Variants in RLF observed in about 807,000 individuals in gnomAD.
RLF encodes the protein RLF zinc finger, also known as zinc finger protein Rlf.
RLF carries 7 observed loss-of-function variants against 162.9 expected under a neutral mutation model. The ratio of observed to expected loss-of-function variants is 0.04; its 90% CI spans 0.02 to 0.08. The LOEUF is 0.08. RLF is among the 10% of genes least tolerant of loss of function. The pLI, the probability that RLF is intolerant of heterozygous loss-of-function variation, is 1.00. For missense variants in RLF, 1,664 were observed against 2,244.7 expected (o/e 0.74, Z 5.23); for synonymous variants, 782 against 791.5 (o/e 0.99, Z 0.20).
chr1:40,172,323 G>A (rs947374992), intron 1 of RLF, among the ~76,000 whole-genome samples: 18 of 152,034 alleles, frequency 1.2e-4, no homozygotes, highest in African/African-American at 1.9e-4. Flanking sequence ...TCATCCTTTT[G>A]CAATTTACTT....
intron 6 of RLF, among the ~76,000 whole-genome samples, chr1:40,229,448 C>CTTTTTTTTTTTTTTTT (rs1005418216): frequency 1.1e-5 from 1 of 90,978 alleles, no homozygotes; most frequent in Non-Finnish European, 2.1e-5. Context: ...ATTCATTTAT[C>CTTTTTTTTTTTTTTTT]TTTTTTTTTT....
intron 5 of RLF, among the ~76,000 whole-genome samples, chr1:40,215,316 A>G (rs180753292): frequency 5.6e-4 from 86 of 152,308 alleles, no homozygotes; most frequent in Middle Eastern, 3.4e-3. Context: ...ACTCCACCCA[A>G]CAGCAGCTAA....
chr1:40,179,771 C>T (rs1642382970), intron 1 of RLF, among the ~76,000 whole-genome samples: 1 of 152,136 alleles, frequency 6.6e-6, no homozygotes, highest in Admixed American at 6.6e-5. Flanking sequence ...TCTTCACCTT[C>T]TGGCAACCAT....
intron 4 of RLF, among the ~76,000 whole-genome samples, chr1:40,200,491 G>A (rs9438935): frequency 0.019 from 2,868 of 152,142 alleles, 108 homozygotes; most frequent in African/African-American, 0.059. Flanking sequence ...ATAAATTATA[G>A]CACATCCATA....
In RLF at chr1:40,233,302, A is replaced by G. The variant is rs140540245; in HGVS notation, c.1089+1644A>G. The stretch of plus-strand genomic sequence containing the variant: ...TTGGCATATCTGTTCAGAATATATA[A>G]TAGTATTTCTGGTTACTTTTCTTTG... On this transcript the variant is annotated intron_variant, in intron 7 of 7. Transcript: ENST00000372771. Among the ~76,000 whole-genome samples the G allele has an allele frequency of 6.4e-3, 970 of 152,212 alleles. 3 individuals are homozygous for G. Among genetic ancestry groups the G allele is most frequent in the Non-Finnish European group, 0.01 (710 of 68,000 alleles).
rs1029921979 is a variant in RLF, at chr1:40,206,570, A to G, written c.810+3956A>G. Among the ~76,000 whole-genome samples, 3 of 152,292 alleles carry G rather than the reference A, an allele frequency of 2.0e-5. No individual in the cohort carries two copies. The South Asian group carries it at 6.2e-4, about 32-fold the overall frequency. ...TGAAAATAGCCAGAATAATCTCTCT[A>G]AAACTTGTCGTGCCATGCCACTTCT... On this transcript the variant is annotated intron_variant, in intron 5 of 7. Transcript: ENST00000372771.
At chr1:40,231,121 A>G (rs1051344633) in intron 6 of RLF, among the ~76,000 whole-genome samples, 2 of 152,142 alleles carry the variant, frequency 1.3e-5, no homozygotes, top group African/African-American at 4.8e-5. Context: ...TTTGTTGTAT[A>G]TATATTTCGT....
At chr1:40,221,606 C>CAA (rs570762400) in intron 5 of RLF, among the ~76,000 whole-genome samples, 13 of 130,750 alleles carry the variant, frequency 9.9e-5, no homozygotes, top group East Asian at 4.6e-4. Flanking sequence ...TGCTCTGATG[C>CAA]AAAAAAAAAA....
intron 6 of RLF, among the ~76,000 whole-genome samples, chr1:40,225,836 G>A (rs536718326): frequency 2.8e-4 from 38 of 133,462 alleles, no homozygotes; most frequent in African/African-American, 1.1e-3. Context: ...GAGATCGGGC[G>A]CCATTGCACT....
intron 1 of RLF, among the ~76,000 whole-genome samples, chr1:40,168,704 A>C (rs965747393): frequency 1.3e-5 from 2 of 152,048 alleles, no homozygotes; most frequent in Non-Finnish European, 2.9e-5. Flanking sequence ...TATAAATAAT[A>C]TGTTTTGGCC....
In RLF at chr1:40,240,239, T is replaced by C. The variant is rs148681536; in HGVS notation, c.5537T>C (p.Leu1846Ser). Residue 1846 changes from leucine (L) to serine (S), a missense_variant, in exon 8 of 8, where the codon TTA (leucine) becomes TCA (serine). This residue lies in a region of RLF where 327 missense variants were observed against 342.7 expected (regional missense o/e 0.95). Transcript: ENST00000372771. ...IHENLTAIPP[L>S]IVAETTTVPS... is the part of the protein sequence containing the mutation. ...GAGAACCTGACTGCAATCCCACCTT[T>C]AATAGTAGCTGAAACAACAACAGTT... The C allele has an allele frequency of 4.8e-5, 78 of 1,614,076 alleles. No homozygotes were observed. The highest frequency in any genetic ancestry group is 6.4e-5 in the Non-Finnish European group (76 of 1,180,034).
intron 1 of RLF, among the ~76,000 whole-genome samples, chr1:40,184,774 A>G (rs1420541070): frequency 1.3e-5 from 2 of 152,162 alleles, no homozygotes; most frequent in Non-Finnish European, 2.9e-5. Context: ...TAGAGTCTCC[A>G]TCCTTACTTC....
chr1:40,221,606 C>CA (rs570762400), intron 5 of RLF, among the ~76,000 whole-genome samples: 6,309 of 130,626 alleles, frequency 0.048, 185 homozygotes, highest in South Asian at 0.14. Context: ...TGCTCTGATG[C>CA]AAAAAAAAAA....
chr1:40,171,038 T>G (rs113534792), intron 1 of RLF, among the ~76,000 whole-genome samples: 1 of 149,416 alleles, frequency 6.7e-6, no homozygotes. Flanking sequence ...TTGTTTGTTT[T>G]AATTTAGAGA....
intron 1 of RLF, among the ~76,000 whole-genome samples, chr1:40,163,329 G>A (rs916400527): frequency 1.3e-5 from 2 of 152,072 alleles, no homozygotes; most frequent in Non-Finnish European, 2.9e-5. Context: ...TGGAAGGAGA[G>A]GGGTGGTGCA....
At chr1:40,206,929 T>C (rs1164429427) in intron 5 of RLF, among the ~76,000 whole-genome samples, 1 of 152,178 alleles carries the variant, frequency 6.6e-6, no homozygotes, top group Non-Finnish European at 1.5e-5. Context: ...CGCTGTCTCA[T>C]CTAAAATATT....
chr1:40,214,918 CAAAAAA>C (rs34756935), intron 5 of RLF, among the ~76,000 whole-genome samples: 17 of 14,396 alleles, frequency 1.2e-3, no homozygotes, highest in South Asian at 3.4e-3. Context: ...GAGCCTGTCT[CAAAAAA>C]AAAAAAAAAA....
chr1:40,219,815 C>A (rs1642969013), intron 5 of RLF, among the ~76,000 whole-genome samples: 2 of 152,140 alleles, frequency 1.3e-5, no homozygotes, highest in South Asian at 4.1e-4. Context: ...GCTGAAACTG[C>A]ATAATTGGAG....
Position 40,237,904 on chromosome 1 carries a change from A to C in RLF, c.3202A>C (p.Lys1068Gln), listed in dbSNP as rs1570568772. 9 of 1,614,168 alleles carry C rather than the reference A, an allele frequency of 5.6e-6. No individual in the cohort carries two copies. The East Asian group carries it at 2.0e-4, about 36-fold the overall frequency. ...CATGTTGGAACTTCTGTTACGCTTG[A>C]AACATTTAAGCTTGAAAAACTCAAT... ...DTMLELLLRLKHLSLKNSITH... is the reference protein window; with the variant it reads ...DTMLELLLRLQHLSLKNSITH... Residue 1068 changes from lysine (K) to glutamine (Q), a missense_variant, in exon 8 of 8, where the codon AAA becomes CAA. Transcript: ENST00000372771. This position sits in a 1 kb window ranked among gnomAD's most constrained non-coding sequence, Gnocchi z 4.4.
Sources: gnomAD v4.1 joint callset for allele counts (sites outside exome capture counted in the v4.1 genomes callset) on GRCh38, gnomAD v4.1.1 for gene constraint, gnomAD v4.1.1 regional missense constraint, Gnocchi (gnomAD v3.1) non-coding constraint, MANE v1.5 for transcripts, NCBI Gene and HGNC (gene_info 2026-07-23, HGNC 2026-07-21) for gene names.